The following OSGIN2 variants were observed in gnomAD, a reference collection of about 807,000 sequenced individuals.
OSGIN2 encodes the protein oxidative stress-induced growth inhibitor 2.
A neutral mutation model predicts 53.8 loss-of-function variants in OSGIN2; 19 were observed. The observed-to-expected ratio is 0.35, with a 90% confidence interval of 0.25 to 0.52. The LOEUF is 0.52. Among genes scored for constraint, OSGIN2 ranks in the 20% least tolerant of loss-of-function variants. OSGIN2 has a pLI of 0.95. For missense variants in OSGIN2, 520 were observed against 662.7 expected (o/e 0.78, Z 2.36); for synonymous variants, 236 against 236.0 (o/e 1.00, Z 0.00).
At chr8:89,906,260 A>G (rs1247730853) in intron 1 of OSGIN2, among the ~76,000 whole-genome samples, 3 of 152,180 alleles carry the variant, frequency 2.0e-5, no homozygotes, top group African/African-American at 7.2e-5. Context: ...CACACATAAA[A>G]TACACTCACA....
intron 1 of OSGIN2, among the ~76,000 whole-genome samples, chr8:89,903,284 A>G (rs892963335): frequency 1.3e-5 from 2 of 152,252 alleles, no homozygotes; most frequent in Non-Finnish European, 2.9e-5. Context: ...CTGCCTTGTT[A>G]AGATGTTAGC....
intron 4 of OSGIN2, among the ~76,000 whole-genome samples, chr8:89,920,188 A>G (rs1044311059): frequency 6.6e-6 from 1 of 152,096 alleles, no homozygotes; most frequent in African/African-American, 2.4e-5. Context: ...AGCCTCCCTC[A>G]AAGCAGGTGG....
Position 89,927,702 on chromosome 8 carries a change from A to G in OSGIN2, c.*2170A>G, listed in dbSNP as rs1809377847. On this transcript the variant is annotated 3_prime_UTR_variant, in exon 6 of 6. Coordinates refer to ENST00000451899, the MANE Select transcript of OSGIN2 (RefSeq NM_001126111.3). ...GGGATTTAAAGTGCAATGATACAAC[A>G]AAAAGATTTAATTACAGCTTCCAGT... 6.6e-6 allele frequency: 1 copy of G among 152,258 alleles called. No homozygotes were observed. Among genetic ancestry groups the G allele is most frequent in the Non-Finnish European group, 1.5e-5 (1 of 68,044 alleles). The allele number at this position is 152,258 out of a possible 1,614,324, so 9.4% of individuals were successfully genotyped here.
intron 4 of OSGIN2, 119 bp from the exon 5 acceptor site, chr8:89,920,961 C>A: frequency 1.6e-6 from 1 of 618,750 alleles, no homozygotes; most frequent in East Asian, 2.6e-5. Flanking sequence ...TGCAGGAGCG[C>A]ACCTTGTCCA....
At position 89,918,370 on chromosome 8, in the gene OSGIN2, A is replaced by G. The variant is rs115207293; in HGVS notation, c.529-2710A>G. On this transcript the variant is annotated intron_variant, in intron 4 of 5. Transcript: ENST00000451899. ...GGGTGGAGTGCAGTGGTACAGTCATAGCTCACTGCAGCCTCGGACCCCTGA... is the reference window on the plus strand; with the variant it reads ...GGGTGGAGTGCAGTGGTACAGTCATGGCTCACTGCAGCCTCGGACCCCTGA... Among the ~76,000 whole-genome samples the G allele has an allele frequency of 5.7e-3, 867 of 152,132 alleles. 7 individuals carry two copies. Among genetic ancestry groups the G allele is most frequent in the African/African-American group, 0.02 (822 of 41,474 alleles).
At chr8:89,910,593 G>C (rs1808949104) in intron 2 of OSGIN2, among the ~76,000 whole-genome samples, 1 of 152,126 alleles carries the variant, frequency 6.6e-6, no homozygotes, top group Admixed American at 6.5e-5. Flanking sequence ...CTCCTCTACA[G>C]GATATGATAG....
At chr8:89,911,627 TA>T (rs76846705) in intron 2 of OSGIN2, among the ~76,000 whole-genome samples, 3,740 of 93,886 alleles carry the variant, frequency 0.04, 135 homozygotes, top group African/African-American at 0.13. Flanking sequence ...AAACTCTGTC[TA>T]AAAAAAAAAA....
intron 1 of OSGIN2, among the ~76,000 whole-genome samples, chr8:89,904,132 T>C (rs1306651271): frequency 6.6e-6 from 1 of 152,246 alleles, no homozygotes; most frequent in Non-Finnish European, 1.5e-5. Context: ...TGCTTGATTT[T>C]AACTTTTAGG....
intron 4 of OSGIN2, among the ~76,000 whole-genome samples, chr8:89,920,336 T>G (rs987933813): frequency 2.6e-5 from 4 of 152,180 alleles, no homozygotes; most frequent in Non-Finnish European, 5.9e-5. Flanking sequence ...AAACTGGGTG[T>G]TATAGAAGCA....
In OSGIN2 at chr8:89,924,550, A is replaced by G. The variant is rs199607404; in HGVS notation, c.668A>G (p.Tyr223Cys). 10 of 1,613,570 alleles carry G rather than the reference A, an allele frequency of 6.2e-6. No individual in the cohort carries two copies. In the African/African-American group the frequency reaches 9.3e-5, roughly 15 times the overall value. Residue 223 changes from tyrosine (Y) to cysteine (C), a missense_variant, in exon 6 of 6, where the codon TAT becomes TGT. This residue lies in a region of OSGIN2 where 203 missense variants were observed against 275.3 expected (regional missense o/e 0.74). Transcript: ENST00000451899. ...ATGCCAGAGGAAATAGCTCGCTACTATAAACATTATGTAAAAGTCATGGGT... is the reference window on the plus strand; with the variant it reads ...ATGCCAGAGGAAATAGCTCGCTACTGTAAACATTATGTAAAAGTCATGGGT... ...RVMPEEIARY[Y>C]KHYVKVMGLQ...
chr8:89,906,406 TTTTC>T (rs1216119358), intron 1 of OSGIN2, among the ~76,000 whole-genome samples: 1 of 152,198 alleles, frequency 6.6e-6, no homozygotes, highest in Non-Finnish European at 1.5e-5. Context: ...CATTAGTTGT[TTTTC>T]TTGATCCTCT....
intron 1 of OSGIN2, among the ~76,000 whole-genome samples, chr8:89,905,243 A>C (rs1219292549): frequency 1.3e-5 from 2 of 152,038 alleles, no homozygotes; most frequent in Non-Finnish European, 2.9e-5. Context: ...CTTAAATGTC[A>C]AATAGGCTTT....
chr8:89,903,870 T>C (rs1254173210), intron 1 of OSGIN2, among the ~76,000 whole-genome samples: 2 of 152,208 alleles, frequency 1.3e-5, no homozygotes, highest in Admixed American at 6.5e-5. Flanking sequence ...GAAGCACATA[T>C]ATATATCGCG....
At position 89,914,196 on chromosome 8, in the gene OSGIN2, C is replaced by G; in HGVS notation, c.319C>G (p.Leu107Val). 6.2e-7 allele frequency: 1 copy of G among 1,601,206 alleles called. No homozygotes were observed. Among genetic ancestry groups the G allele is most frequent in the South Asian group, 1.1e-5 (1 of 90,362 alleles). ...TAGTAAATTAGAAGAAGCAAGACAT[C>G]TTTCCATTGTTGATCAGGTATTATT... Reference protein sequence around the residue: ...LNSKLEEARHLSIVDQDLEYL... With the variant: ...LNSKLEEARHVSIVDQDLEYL... Residue 107 changes from leucine to valine, a missense_variant, in exon 3 of 6, where the codon CTT becomes GTT. Coordinates refer to ENST00000451899, the MANE Select transcript of OSGIN2 (RefSeq NM_001126111.3).
intron 5 of OSGIN2, chr8:89,921,372 T>C: frequency 2.3e-6 from 1 of 433,482 alleles, no homozygotes; most frequent in Non-Finnish European, 4.1e-6. Context: ...AGCTAAGGGA[T>C]TATTGCAGAT....
chr8:89,903,278 CTTG>C (rs1249339944), intron 1 of OSGIN2, among the ~76,000 whole-genome samples: 3 of 152,302 alleles, frequency 2.0e-5, no homozygotes, highest in Admixed American at 6.5e-5. Context: ...TAGATTCTGC[CTTG>C]TTAAGATGTT....
rs372698583 is a variant in OSGIN2, at chr8:89,902,955, C to G, written c.44+118C>G. On this transcript the variant is annotated intron_variant, in intron 1 of 5. Coordinates refer to ENST00000451899, the MANE Select transcript of OSGIN2 (RefSeq NM_001126111.3). ...GCGAGCGCCTGGACCGCAGCGTCCT[C>G]CCGCCTCGGCCGTCCTGCCTGGCGT... 18 of 573,444 alleles carry G rather than the reference C, an allele frequency of 3.1e-5. No homozygotes were observed. In the East Asian group the frequency reaches 3.2e-4, roughly 10 times the overall value. The allele number at this position is 573,444 out of a possible 1,614,324, so 35.5% of individuals were successfully genotyped here.
intron 5 of OSGIN2, among the ~76,000 whole-genome samples, chr8:89,924,030 T>C (rs1809261085): frequency 6.6e-6 from 1 of 152,212 alleles, no homozygotes; most frequent in Non-Finnish European, 1.5e-5. Flanking sequence ...GTTAGGAAAA[T>C]AGCAGTGTAC....
At chr8:89,916,787 T>C (rs1809089154) in intron 4 of OSGIN2, among the ~76,000 whole-genome samples, 1 of 152,200 alleles carries the variant, frequency 6.6e-6, no homozygotes, top group Admixed American at 6.5e-5. Context: ...CTGCTCCCTT[T>C]CTTGAAAGCT....
Sources: allele counts gnomAD v4.1 joint callset (sites outside exome capture counted in the v4.1 genomes callset), GRCh38; gene constraint gnomAD v4.1.1; regional missense constraint gnomAD v4.1.1; transcripts MANE v1.5; gene names NCBI Gene and HGNC (gene_info 2026-07-23, HGNC 2026-07-21).